CNTLN: variants seen among roughly 807,000 people sequenced by gnomAD.
The protein encoded by CNTLN is centlein, also known as centlein, centrosomal protein.
In CNTLN, 212 loss-of-function variants were observed where a neutral mutation model predicts 180.0. That is an observed-to-expected ratio of 1.18 (90% confidence interval 1.05 to 1.32). The LOEUF (loss-of-function observed/expected upper bound fraction) is 1.32. Ranked by LOEUF, CNTLN falls within the 40% of genes most tolerant of loss-of-function variation. CNTLN has a pLI of 0.00. For missense variants in CNTLN, 2,095 were observed against 1,610.9 expected, an observed-to-expected ratio of 1.30 and a Z score of -5.14; for synonymous variants, 722 against 563.1, an observed-to-expected ratio of 1.28 and a Z score of -3.99.
chr9:17,147,968 A>G (rs1261311957), intron 2 of CNTLN, among the ~76,000 whole-genome samples: 1 of 152,236 alleles, frequency 6.6e-6, no homozygotes, highest in Non-Finnish European at 1.5e-5. Context: ...CAATTAAAGA[A>G]TTATACTACT....
intron 12 of CNTLN, among the ~76,000 whole-genome samples, chr9:17,350,029 A>C (rs1260074464): frequency 2.0e-5 from 3 of 152,188 alleles, no homozygotes; most frequent in Admixed American, 2.0e-4. Context: ...CACTCAGTTG[A>C]AGTTGTTGCC....
chr9:17,355,534 C>T (rs952996904), intron 12 of CNTLN, among the ~76,000 whole-genome samples: 1 of 152,128 alleles, frequency 6.6e-6, no homozygotes, highest in Non-Finnish European at 1.5e-5. Flanking sequence ...GATTTATCCT[C>T]ATGTTTTTCT....
chr9:17,291,919 T>A (rs945192524), intron 6 of CNTLN, among the ~76,000 whole-genome samples: 2 of 152,214 alleles, frequency 1.3e-5, no homozygotes, highest in African/African-American at 4.8e-5. Context: ...TTCAGTGTGT[T>A]TTTGCAGTGG....
At chr9:17,460,621 T>G (rs972433071) in intron 19 of CNTLN, among the ~76,000 whole-genome samples, 2 of 151,760 alleles carry the variant, frequency 1.3e-5, no homozygotes, top group African/African-American at 4.8e-5. Context: ...GCTGTTAGAT[T>G]TAGAGATCTT....
At chr9:17,496,098 G>T (rs1258704811) in intron 25 of CNTLN, among the ~76,000 whole-genome samples, 2 of 152,064 alleles carry the variant, frequency 1.3e-5, no homozygotes, top group South Asian at 4.1e-4. Flanking sequence ...TCATTGAGGA[G>T]GTATAATTCA....
chr9:17,526,767 T>A, the CNTLN span, among the ~76,000 whole-genome samples: 1 of 151,906 alleles, frequency 6.6e-6, no homozygotes, highest in Non-Finnish European at 1.5e-5. Context: ...AGCTCTAGAG[T>A]TTCCACTAAA....
chr9:17,272,480 C>A (rs1371859863), intron 5 of CNTLN, among the ~76,000 whole-genome samples: 1 of 151,968 alleles, frequency 6.6e-6, no homozygotes, highest in African/African-American at 2.4e-5. Context: ...CTATTTCTAC[C>A]CTGGTGTTCG....
At chr9:17,437,813 G>GTA (rs972905492) in intron 18 of CNTLN, among the ~76,000 whole-genome samples, 26 of 152,136 alleles carry the variant, frequency 1.7e-4, no homozygotes, top group African/African-American at 5.6e-4. Context: ...AGATATATAT[G>GTA]TATATGTGTG....
intron 18 of CNTLN, among the ~76,000 whole-genome samples, chr9:17,437,558 A>T (rs1028310845): frequency 7.9e-5 from 12 of 152,230 alleles, no homozygotes; most frequent in Non-Finnish European, 1.5e-4. Context: ...TAGCATATTT[A>T]TCACTATTGA....
chr9:17,479,960 GT>G (rs1832552612), intron 23 of CNTLN, among the ~76,000 whole-genome samples: 1 of 152,152 alleles, frequency 6.6e-6, no homozygotes, highest in South Asian at 2.1e-4. Context: ...ACAAGAGCCA[GT>G]TTTGGGTGTC....
intron 15 of CNTLN, among the ~76,000 whole-genome samples, chr9:17,396,863 C>CA (rs1826565715): frequency 6.6e-6 from 1 of 152,204 alleles, no homozygotes; most frequent in African/African-American, 2.4e-5. Flanking sequence ...ACTCAAAAAA[C>CA]ATATTCATGA....
chr9:17,461,281 T>C (rs554074346), intron 19 of CNTLN, among the ~76,000 whole-genome samples: 1 of 151,746 alleles, frequency 6.6e-6, no homozygotes, highest in Admixed American at 6.6e-5. Flanking sequence ...AATTGAAAAT[T>C]AATGATTGAA....
chr9:17,309,115 C>G lies in CNTLN; in HGVS notation c.1204C>G (p.Arg402Gly). 6.2e-7 allele frequency: 1 copy of G among 1,606,246 alleles called. No homozygotes were observed. The highest frequency in any genetic ancestry group is 1.3e-5 in the African/African-American group (1 of 74,614). ...CACAAAATCAAATGAAGCTATGCTC[C>G]GGCAAAGTGTTACTAATCTTCAGGA... ...ETTKSNEAMLRQSVTNLQDQL... is the reference protein window; with the variant it reads ...ETTKSNEAMLGQSVTNLQDQL... The change falls in exon 8 of 26, where the codon CGG becomes GGG. Residue 402 changes from arginine to glycine, a missense_variant. Coordinates refer to ENST00000380647, the MANE Select transcript of CNTLN (RefSeq NM_017738.4).
intron 2 of CNTLN, among the ~76,000 whole-genome samples, chr9:17,222,402 T>A (rs1470749617): frequency 6.6e-6 from 1 of 152,040 alleles, no homozygotes; most frequent in African/African-American, 2.4e-5. Context: ...CAATGTGTTA[T>A]GGAAAGGACC....
In CNTLN at chr9:17,222,694, C is replaced by G. The variant is rs573611229; in HGVS notation, c.450-3509C>G. Among the ~76,000 whole-genome samples the G allele has an allele frequency of 5.3e-5, 8 of 152,158 alleles. No individual in the cohort carries two copies. In the South Asian group the frequency reaches 1.5e-3, roughly 28 times the overall value. On this transcript the variant is annotated intron_variant, in intron 2 of 25. Transcript: ENST00000380647. ...TCTTTATCAGCAGTGTGAAAACAGA[C>G]TAATACATTAATATTGCTAAATCCA...
intron 8 of CNTLN, 37 bp downstream of exon 8, chr9:17,309,289 T>C: frequency 7.0e-7 from 1 of 1,430,426 alleles, no homozygotes; most frequent in Non-Finnish European, 9.3e-7. Flanking sequence ...TTCAGTGTAA[T>C]ATTAAATGAA....
At chr9:17,442,965 G>A (rs372754682) in intron 18 of CNTLN, among the ~76,000 whole-genome samples, 9 of 152,098 alleles carry the variant, frequency 5.9e-5, no homozygotes, top group African/African-American at 2.2e-4. Flanking sequence ...TAGCAAACTA[G>A]GACTAGCAGG....
At chr9:17,420,883 T>G (rs2133920264) in intron 18 of CNTLN, among the ~76,000 whole-genome samples, 1 of 152,340 alleles carries the variant, frequency 6.6e-6, no homozygotes, top group Admixed American at 6.5e-5. Flanking sequence ...GTTCCTCTTG[T>G]TATTGATTTC....
At chr9:17,504,104 A>G (rs1394906924), downstream of CNTLN, among the ~76,000 whole-genome samples, 1 of 152,170 alleles carries the variant, frequency 6.6e-6, no homozygotes, top group African/African-American at 2.4e-5. Flanking sequence ...TGCAATTAAA[A>G]AAAAAATACC....
Sources: allele counts gnomAD v4.1 joint callset (sites outside exome capture counted in the v4.1 genomes callset), GRCh38; gene constraint gnomAD v4.1.1; transcripts MANE v1.5; gene names NCBI Gene and HGNC (gene_info 2026-07-23, HGNC 2026-07-21).